Variants in PAK5 observed in about 807,000 individuals in gnomAD.
The protein encoded by PAK5 is p21 (RAC1) activated kinase 5, also known as serine/threonine-protein kinase PAK 5.
A neutral mutation model predicts 65.9 loss-of-function variants in PAK5; 16 were observed. That is an observed-to-expected ratio of 0.24 (90% CI 0.16 to 0.37). The LOEUF (loss-of-function observed/expected upper bound fraction) is 0.37. Among genes scored for constraint, PAK5 ranks in the 10% least tolerant of loss-of-function variants. PAK5 has a pLI of 1.00. For missense variants in PAK5, 785 were observed against 903.9 expected (o/e 0.87, Z 1.69); for synonymous variants, 371 against 354.9 (o/e 1.05, Z -0.51).
intron 2 of PAK5, among the ~76,000 whole-genome samples, chr20:9,652,868 C>T (rs576143961): frequency 2.3e-4 from 35 of 152,240 alleles, no homozygotes; most frequent in African/African-American, 8.2e-4. Flanking sequence ...ATGTCTTAGA[C>T]CCTTCCCTCT....
At chr20:9,713,384 G>T (rs917599217) in intron 1 of PAK5, among the ~76,000 whole-genome samples, 2 of 152,080 alleles carry the variant, frequency 1.3e-5, no homozygotes, top group African/African-American at 2.4e-5. Context: ...CAAGGATGCA[G>T]AGAGAGGGAA....
chr20:9,626,473 A>G (rs1264596400), intron 3 of PAK5, among the ~76,000 whole-genome samples: 1 of 152,218 alleles, frequency 6.6e-6, no homozygotes, highest in Admixed American at 6.5e-5. Flanking sequence ...ATTAGATTGC[A>G]CTACATGTAT....
chr20:9,575,412 A>G (rs1381546898), intron 4 of PAK5, among the ~76,000 whole-genome samples: 4 of 152,198 alleles, frequency 2.6e-5, no homozygotes, highest in Non-Finnish European at 5.9e-5. Context: ...AGAAGATCAT[A>G]CAGCTACTAA....
intron 1 of PAK5, among the ~76,000 whole-genome samples, chr20:9,821,975 C>A (rs1158404426): frequency 2.6e-5 from 4 of 152,100 alleles, no homozygotes; most frequent in African/African-American, 9.7e-5. Context: ...TACAGCTTAT[C>A]AACTGGTCCA....
At chr20:9,778,251 T>C (rs549514727) in intron 1 of PAK5, among the ~76,000 whole-genome samples, 1 of 152,184 alleles carries the variant, frequency 6.6e-6, no homozygotes, top group African/African-American at 2.4e-5. Flanking sequence ...GTTGTTGTTG[T>C]TTTAAGGATA....
Position 9,552,304 on chromosome 20 carries a change from C to T in PAK5, c.1743+5304G>A, listed in dbSNP as rs1397071339. 3.9e-5 allele frequency among the ~76,000 whole-genome samples: 6 copies of T among 152,218 alleles called. No homozygotes were observed. The East Asian group carries it at 1.2e-3, about 29-fold the overall frequency. ...TTGTCAAAGTCAGTCACTCACTGCT[C>T]ACTGGCCCCTAAGTAATTCATTTAT... On this transcript the variant is annotated intron_variant, in intron 7 of 9. Transcript: ENST00000353224.
At chr20:9,701,461 T>C (rs778865403) in intron 2 of PAK5, among the ~76,000 whole-genome samples, 9 of 152,138 alleles carry the variant, frequency 5.9e-5, no homozygotes, top group Non-Finnish European at 1.3e-4. Flanking sequence ...CAATACCTGT[T>C]AACCATGTGA....
chr20:9,772,126 G>C (rs904357420), intron 1 of PAK5, among the ~76,000 whole-genome samples: 1 of 152,068 alleles, frequency 6.6e-6, no homozygotes, highest in Admixed American at 6.6e-5. Context: ...GCAGCTATGG[G>C]AGTTAACAGC....
intron 2 of PAK5, among the ~76,000 whole-genome samples, chr20:9,679,506 T>C (rs963915948): frequency 3.9e-5 from 6 of 152,194 alleles, no homozygotes; most frequent in African/African-American, 1.4e-4. Flanking sequence ...TGTTTCTGGA[T>C]GGTAAACACC....
chr20:9,677,110 A>G, intron 2 of PAK5, among the ~76,000 whole-genome samples: 1 of 151,540 alleles, frequency 6.6e-6, no homozygotes, highest in Admixed American at 6.6e-5. Context: ...ATTATTTTGC[A>G]TGGAAGACAG....
At chr20:9,698,870 A>G (rs2047903346) in intron 2 of PAK5, among the ~76,000 whole-genome samples, 1 of 152,218 alleles carries the variant, frequency 6.6e-6, no homozygotes, top group Non-Finnish European at 1.5e-5. Context: ...AATGAGATAT[A>G]ACTTGATTTT....
intron 2 of PAK5, among the ~76,000 whole-genome samples, chr20:9,653,372 A>C (rs2047225466): frequency 6.6e-6 from 1 of 152,216 alleles, no homozygotes; most frequent in Admixed American, 6.5e-5. Flanking sequence ...ATGGAGACAG[A>C]GCCCAAACCT....
intron 5 of PAK5, 88 bp from the exon 6 acceptor site, chr20:9,563,112 T>C (rs2122978979): frequency 8.6e-7 from 1 of 1,164,750 alleles, no homozygotes. Flanking sequence ...GTAAGTAAAC[T>C]GATTGAGAGG....
chr20:9,812,714 A>T (rs556289961), intron 1 of PAK5, among the ~76,000 whole-genome samples: 27 of 152,350 alleles, frequency 1.8e-4, no homozygotes, highest in South Asian at 8.3e-4. Context: ...TAAACAAATT[A>T]GATAGTTAGA....
At chr20:9,698,952 C>G (rs2047904342) in intron 2 of PAK5, among the ~76,000 whole-genome samples, 1 of 152,146 alleles carries the variant, frequency 6.6e-6, no homozygotes, top group African/African-American at 2.4e-5. Context: ...CTTTCCTGCA[C>G]TATAAATAAG....
At chr20:9,808,846 T>G (rs1179354736) in intron 1 of PAK5, among the ~76,000 whole-genome samples, 4 of 152,154 alleles carry the variant, frequency 2.6e-5, no homozygotes, top group African/African-American at 9.7e-5. Context: ...ATCATTGAAT[T>G]GTATACTTTA....
chr20:9,758,554 T>C (rs1044436372), intron 1 of PAK5, among the ~76,000 whole-genome samples: 11 of 152,142 alleles, frequency 7.2e-5, no homozygotes, highest in Non-Finnish European at 1.3e-4. Flanking sequence ...CATAGAACAG[T>C]GATAGCTGAT....
chr20:9,791,503 A>G (rs571312861), intron 1 of PAK5, among the ~76,000 whole-genome samples: 1 of 152,056 alleles, frequency 6.6e-6, no homozygotes, highest in African/African-American at 2.4e-5. Context: ...CTTGACCTAT[A>G]TAAGACTTCC....
chr20:9,588,551 G>A (rs1430973411), intron 3 of PAK5, among the ~76,000 whole-genome samples: 1 of 152,178 alleles, frequency 6.6e-6, no homozygotes, highest in Non-Finnish European at 1.5e-5. Flanking sequence ...TATTTGTTTT[G>A]CTGATACAGG....
Sources: gnomAD v4.1 joint callset for allele counts (sites outside exome capture counted in the v4.1 genomes callset) on GRCh38, gnomAD v4.1.1 for gene constraint, MANE v1.5 for transcripts, NCBI Gene and HGNC (gene_info 2026-07-23, HGNC 2026-07-21) for gene names.